TWIST1: variants seen among roughly 807,000 people sequenced by gnomAD.
TWIST1 encodes twist-related protein 1.
A neutral mutation model predicts 12.9 loss-of-function variants in TWIST1; 8 were observed. That is an observed-to-expected ratio of 0.62 (90% confidence interval 0.37 to 1.12). The LOEUF (loss-of-function observed/expected upper bound fraction) is 1.12, where lower values mean the gene tolerates loss of function less well. TWIST1 is among the 50% of genes most tolerant of loss of function. The probability of loss-of-function intolerance (pLI) is 0.02; values close to 1 mark genes in which losing one functional copy is unlikely to be tolerated. For synonymous variants in TWIST1, 169 were observed against 138.7 expected (o/e 1.22, Z -1.54); for missense variants, 268 against 299.7 (o/e 0.89, Z 0.78).
Position 19,117,576 on chromosome 7 carries a change from C to A in TWIST1, c.-255G>T, listed in dbSNP as rs1446108919. Reference sequence around the variant, plus strand: ...AAAGCGCCCAACGGCTGGACGCACACCCCGCCAGGCCTCCTGGAAACGGTG... The same window carrying A: ...AAAGCGCCCAACGGCTGGACGCACAACCCGCCAGGCCTCCTGGAAACGGTG... On this transcript the variant is annotated 5_prime_UTR_variant, in exon 1 of 2. Coordinates refer to ENST00000242261, the MANE Select transcript of TWIST1 (RefSeq NM_000474.4). The A allele has an allele frequency of 1.8e-6, 2 of 1,109,008 alleles. No individual in the cohort carries two copies. Among genetic ancestry groups the A allele is most frequent in the Non-Finnish European group, 2.2e-6 (2 of 899,846 alleles). 68.7% of individuals were successfully genotyped at this position (1,109,008 alleles called of 1,614,324 possible).
chr7:19,114,886 T>C (rs531290698), downstream of TWIST1, among the ~76,000 whole-genome samples: 1 of 152,364 alleles, frequency 6.6e-6, no homozygotes, highest in Non-Finnish European at 1.5e-5. Flanking sequence ...ATATTAACTT[T>C]TCTTTTTAGC....
rs1788573821 is a variant in TWIST1 at position 19,116,667 on chromosome 7, T to G, written c.*42+4A>C. ...GCGAAGGGGTGCAGCGGCGCGGTCC[T>G]TACCTAGGTCTCCGGCCCTGCTGAG... On this transcript the variant is annotated splice_donor_region_variant and intron_variant, in intron 1 of 1. Coordinates refer to ENST00000242261, the MANE Select transcript of TWIST1 (RefSeq NM_000474.4). 1 of 1,557,948 alleles carries G rather than the reference T, an allele frequency of 6.4e-7. No homozygotes were observed. The highest frequency in any genetic ancestry group is 8.7e-7 in the Non-Finnish European group (1 of 1,153,846).
downstream of TWIST1, chr7:19,113,785 T>TA (rs905892475): frequency 1.3e-5 from 2 of 152,108 alleles, no homozygotes; most frequent in African/African-American, 4.8e-5. Flanking sequence ...CAAAACACAT[T>TA]AAAAAAAGAA....
chr7:19,116,537 G>T (rs1025205148), intron 1 of TWIST1, 134 bp downstream of exon 1: 3 of 770,678 alleles, frequency 3.9e-6, no homozygotes, highest in South Asian at 1.8e-5. Flanking sequence ...GCGAGGCAAC[G>T]GTGCCAAGTG....
chr7:19,113,324 G>A (rs1228157053), downstream of TWIST1: 1 of 152,178 alleles, frequency 6.6e-6, no homozygotes, highest in Admixed American at 6.5e-5. Flanking sequence ...AATGCATTCT[G>A]AAGGAAAAAG....
downstream of TWIST1, chr7:19,115,347 G>A (rs564754207): frequency 1.3e-5 from 2 of 152,612 alleles, no homozygotes; most frequent in South Asian, 2.1e-4. Flanking sequence ...CTTTATTTGA[G>A]TTTTTCATTG....
Position 19,117,525 on chromosome 7 carries a change from T to G in TWIST1, c.-204A>C, listed in dbSNP as rs1585618433. 1 of 1,178,300 alleles carries G rather than the reference T, an allele frequency of 8.5e-7. No individual in the cohort carries two copies. Among genetic ancestry groups the G allele is most frequent in the Non-Finnish European group, 1.1e-6 (1 of 945,432 alleles). The allele number at this position is 1,178,300 out of a possible 1,614,324, so 73.0% of individuals were successfully genotyped here. A position where few individuals can be genotyped will look rare whatever the true frequency, so the allele number is the denominator to read the frequency against. On this transcript the variant is annotated 5_prime_UTR_variant, in exon 1 of 2. Coordinates refer to ENST00000242261, the MANE Select transcript of TWIST1 (RefSeq NM_000474.4). ...GGGAGGCGGGAGGGGGAGGGGACGG[T>G]GTGGATGGCCCCGAGGTCCAAAAAG...
downstream of TWIST1, among the ~76,000 whole-genome samples, chr7:19,115,041 CTATA>C (rs1192261492): frequency 6.6e-6 from 1 of 152,068 alleles, no homozygotes; most frequent in Admixed American, 6.5e-5. Flanking sequence ...TTTCATAACA[CTATA>C]TATGTTTTCA....
At position 19,116,741 on chromosome 7, in the gene TWIST1, C is replaced by A; in HGVS notation, c.581G>T (p.Gly194Val). The A allele has an allele frequency of 6.2e-7, 1 of 1,611,556 alleles. No individual in the cohort carries two copies. The highest frequency in any genetic ancestry group is 2.2e-5 in the East Asian group (1 of 44,738). ...GTGGGACGCGGACATGGACCAGGCC[C>A]CCTCCATCCTCCAGACCGAGAAGGC... ...SYAFSVWRME[G>V]AWSMSASH Residue 194 changes from glycine (G) to valine (V), a missense_variant, in exon 1 of 2, where the codon GGG (glycine) becomes GTG (valine). By Grantham distance (109) the Gly-to-Val change is moderately radical. Coordinates refer to ENST00000242261, the MANE Select transcript of TWIST1 (RefSeq NM_000474.4).
chr7:19,116,630 G>T, intron 1 of TWIST1, 41 bp downstream of exon 1: 1 of 1,474,890 alleles, frequency 6.8e-7, no homozygotes, highest in Non-Finnish European at 9.1e-7. Context: ...CCTGCCGTCT[G>T]CCACCTGAGA....
downstream of TWIST1, among the ~76,000 whole-genome samples, chr7:19,115,087 C>CA (rs1788538825): frequency 1.3e-5 from 2 of 152,116 alleles, no homozygotes; most frequent in South Asian, 4.1e-4. Context: ...GGAATCTTCA[C>CA]AAAGAGTGAA....
rs529792015 is a variant in TWIST1, at chr7:19,115,649, G to A, written c.*525C>T. On this transcript the variant is annotated 3_prime_UTR_variant, in exon 2 of 2. Coordinates refer to ENST00000242261, the MANE Select transcript of TWIST1 (RefSeq NM_000474.4). The stretch of plus-strand genomic sequence containing the variant: ...TTTTTTTTTGTTTTTCCCCTCAGAG[G>A]AAGGATGAAAAAAAGAATTAACTGA... 1 of 151,486 alleles carries A rather than the reference G, an allele frequency of 6.6e-6. No individual in the cohort carries two copies. The highest frequency in any genetic ancestry group is 2.4e-5 in the African/African-American group (1 of 41,302). 9.4% of individuals were successfully genotyped at this position (151,486 alleles called of 1,614,324 possible). A position where few individuals can be genotyped will look rare whatever the true frequency, so the allele number is the denominator to read the frequency against.
In TWIST1 at chr7:19,117,438, G is replaced by A. The variant is rs1405534023; in HGVS notation, c.-117C>T. The A allele has an allele frequency of 8.3e-6, 10 of 1,198,430 alleles. No individual in the cohort carries two copies. The East Asian group carries it at 1.9e-4, about 23-fold the overall frequency. The allele number at this position is 1,198,430 out of a possible 1,614,324, so 74.2% of individuals were successfully genotyped here. On this transcript the variant is annotated 5_prime_UTR_variant, in exon 1 of 2. Coordinates refer to ENST00000242261, the MANE Select transcript of TWIST1 (RefSeq NM_000474.4). ...GGCCCGGGCGATGCGGCCCGCGGAG[G>A]AGAGAGCAGGAGGACGGACGGGAGG...
chr7:19,113,726 C>T (rs1393186021), downstream of TWIST1: 1 of 152,076 alleles, frequency 6.6e-6, no homozygotes, highest in African/African-American at 2.4e-5. Flanking sequence ...ATAAATATGG[C>T]ATTTGCTTTT....
Position 19,117,374 on chromosome 7 carries a change from G to C in TWIST1, c.-53C>G. 7.3e-7 allele frequency: 1 copy of C among 1,371,862 alleles called. No individual in the cohort carries two copies. The highest frequency in any genetic ancestry group is 9.5e-7 in the Non-Finnish European group (1 of 1,055,266). The allele number at this position is 1,371,862 out of a possible 1,614,324, so 85.0% of individuals were successfully genotyped here. A position where few individuals can be genotyped will look rare whatever the true frequency, so the allele number is the denominator to read the frequency against. On this transcript the variant is annotated 5_prime_UTR_variant, in exon 1 of 2. Coordinates refer to ENST00000242261, the MANE Select transcript of TWIST1 (RefSeq NM_000474.4). ...GGGCCCGGGGCAGAGGAGAAGAGCG[G>C]GGCGCCTCAGCCCGCCAGCTTCCCC...
At position 19,117,402 on chromosome 7, in the gene TWIST1, C is replaced by T. The variant is rs2522206; in HGVS notation, c.-81G>A. On this transcript the variant is annotated 5_prime_UTR_variant, in exon 1 of 2. Transcript: ENST00000242261. ...CGCCTCAGCCCGCCAGCTTCCCCCG[C>T]GCGCGGCGCCGGCCCGGGCGATGCG... The T allele has an allele frequency of 7.8e-4, 985 of 1,268,974 alleles. 23 individuals carry two copies. In the East Asian group the frequency reaches 0.026, roughly 34 times the overall value. The allele number at this position is 1,268,974 out of a possible 1,614,324, so 78.6% of individuals were successfully genotyped here. A position where few individuals can be genotyped will look rare whatever the true frequency, so the allele number is the denominator to read the frequency against.
rs777948556 is a variant in TWIST1, at chr7:19,117,022, C to A, written c.300G>T (p.Pro100=). The A allele has an allele frequency of 1.3e-6, 2 of 1,526,266 alleles. No homozygotes were observed. The highest frequency in any genetic ancestry group is 1.7e-6 in the Non-Finnish European group (2 of 1,146,894). 94.5% of individuals were successfully genotyped at this position (1,526,266 alleles called of 1,614,324 possible). A position where few individuals can be genotyped will look rare whatever the true frequency, so the allele number is the denominator to read the frequency against. ...GCGTCTGCAGCTCCTCGTAAGACTG[C>A]GGACTCCCGCCGCCGCTGCTGCTGC... ...GGGSSSGGGS[P]QSYEELQTQR... The change falls in exon 1 of 2, where the codon CCG becomes CCT. Residue 100 remains proline (P), a synonymous_variant. Transcript: ENST00000242261.
chr7:19,117,279 C>A lies in TWIST1; in HGVS notation c.43G>T (p.Asp15Tyr). 6.8e-7 allele frequency: 1 copy of A among 1,475,486 alleles called. No individual in the cohort carries two copies. Among genetic ancestry groups the A allele is most frequent in the Non-Finnish European group, 9.0e-7 (1 of 1,117,082 alleles). 91.4% of individuals were successfully genotyped at this position (1,475,486 alleles called of 1,614,324 possible). A position where few individuals can be genotyped will look rare whatever the true frequency, so the allele number is the denominator to read the frequency against. Residue 15 changes from aspartate (D) to tyrosine (Y), a missense_variant, in exon 1 of 2, where the codon GAC (aspartate) becomes TAC (tyrosine). Around this residue, in one of 2 missense-constraint regions of TWIST1, gnomAD observed 189 missense variants for 172.1 expected, o/e 1.10. Coordinates refer to ENST00000242261, the MANE Select transcript of TWIST1 (RefSeq NM_000474.4). ...TCTTCCTCGCTGTTGCTCAGGCTGT[C>A]GTCGGCCGGCGAGACTGGCGAGCTG... ...VSSSPVSPAD[D>Y]SLSNSEEEPD...
rs966320189 is a variant in TWIST1, at chr7:19,117,534, C to T, written c.-213G>A. ...GAGGGGGAGGGGACGGTGTGGATGG[C>T]CCCGAGGTCCAAAAAGAAAGCGCCC... On this transcript the variant is annotated 5_prime_UTR_variant, in exon 1 of 2. Coordinates refer to ENST00000242261, the MANE Select transcript of TWIST1 (RefSeq NM_000474.4). The T allele has an allele frequency of 8.6e-7, 1 of 1,163,210 alleles. No homozygotes were observed. Among genetic ancestry groups the T allele is most frequent in the Non-Finnish European group, 1.1e-6 (1 of 934,916 alleles). 72.1% of individuals were successfully genotyped at this position (1,163,210 alleles called of 1,614,324 possible). A position where few individuals can be genotyped will look rare whatever the true frequency, so the allele number is the denominator to read the frequency against.
Sources: allele counts gnomAD v4.1 joint callset (sites outside exome capture counted in the v4.1 genomes callset), GRCh38; gene constraint gnomAD v4.1.1; regional missense constraint gnomAD v4.1.1; transcripts MANE v1.5; gene names NCBI Gene and HGNC (gene_info 2026-07-23, HGNC 2026-07-21).